ZC3H12B: variants seen among roughly 807,000 people sequenced by gnomAD.
ZC3H12B encodes the protein zinc finger CCCH-type containing 12B, also known as probable ribonuclease ZC3H12B.
A neutral mutation model predicts 43.9 loss-of-function variants in ZC3H12B; 7 were observed. The observed-to-expected ratio is 0.16, with a 90% CI of 0.09 to 0.30. The LOEUF is 0.30. Ranked by LOEUF, ZC3H12B falls within the 10% of genes least tolerant of loss-of-function variation. The pLI, the probability that ZC3H12B is intolerant of heterozygous loss-of-function variation, is 1.00. For synonymous variants in ZC3H12B, 222 were observed against 241.7 expected (o/e 0.92, Z 0.76); for missense variants, 475 against 670.2 (o/e 0.71, Z 3.22).
chrX:65,251,349 T>C, the ZC3H12B span, among the ~76,000 whole-genome samples: 3 of 111,685 alleles, frequency 2.7e-5, no homozygotes, highest in East Asian at 8.4e-4. Context: ...AGCCTTGTAG[T>C]ATAGTTTGAA....
chrX:65,238,262 C>G, the ZC3H12B span, among the ~76,000 whole-genome samples: 1 of 111,943 alleles, frequency 8.9e-6, no homozygotes, highest in Non-Finnish European at 1.9e-5. Context: ...TTATTACTTT[C>G]TCAATTTCAG....
At chrX:65,288,208 C>T in the ZC3H12B span, among the ~76,000 whole-genome samples, 1 of 110,737 alleles carries the variant, frequency 9.0e-6, no homozygotes, top group African/African-American at 3.3e-5. Flanking sequence ...CAGGTGGATT[C>T]ACTTAATTCT....
At chrX:65,223,842 A>G in the ZC3H12B span, among the ~76,000 whole-genome samples, 1 of 112,195 alleles carries the variant, frequency 8.9e-6, no homozygotes, top group African/African-American at 3.2e-5. Flanking sequence ...TGACATGGAT[A>G]TGATGATGAG....
the ZC3H12B span, among the ~76,000 whole-genome samples, chrX:65,156,764 C>A: frequency 4.5e-5 from 5 of 110,933 alleles, no homozygotes; most frequent in African/African-American, 1.3e-4. Flanking sequence ...AATCCTCCCA[C>A]CTCAAACTCC....
intron 3 of ZC3H12B, among the ~76,000 whole-genome samples, chrX:65,479,147 G>A (rs2148209732): frequency 9.0e-6 from 1 of 111,102 alleles, no homozygotes; most frequent in Non-Finnish European, 1.9e-5. Flanking sequence ...ATGGGACTTT[G>A]GAGAAGCTCT....
At chrX:65,167,397 T>C in the ZC3H12B span, among the ~76,000 whole-genome samples, 7 of 111,568 alleles carry the variant, frequency 6.3e-5, no homozygotes, top group South Asian at 2.3e-3. Context: ...GTTCTATTGG[T>C]CTATATCTCT....
chrX:65,043,524 A>T, the ZC3H12B span, among the ~76,000 whole-genome samples: 1 of 110,686 alleles, frequency 9.0e-6, no homozygotes, highest in Non-Finnish European at 1.9e-5. Flanking sequence ...TGTGACTATA[A>T]TCTGAACCTT....
At chrX:65,454,049 G>C (rs1433624225) in intron 3 of ZC3H12B, among the ~76,000 whole-genome samples, 1 of 112,202 alleles carries the variant, frequency 8.9e-6, no homozygotes, top group Non-Finnish European at 1.9e-5. Context: ...CCAGTCTACA[G>C]CACCCAGCGT....
the ZC3H12B span, among the ~76,000 whole-genome samples, chrX:65,153,249 A>G: frequency 8.9e-6 from 1 of 112,164 alleles, no homozygotes; most frequent in Non-Finnish European, 1.9e-5. Context: ...TAATTAAACT[A>G]AAGAGCTTCT....
the ZC3H12B span, among the ~76,000 whole-genome samples, chrX:65,193,284 G>C: frequency 9.0e-6 from 1 of 110,791 alleles, no homozygotes; most frequent in Non-Finnish European, 1.9e-5. Flanking sequence ...AAGCCAATTT[G>C]CTGGAAGATG....
At chrX:65,260,704 A>T in the ZC3H12B span, among the ~76,000 whole-genome samples, 1 of 111,978 alleles carries the variant, frequency 8.9e-6, no homozygotes, top group Non-Finnish European at 1.9e-5. Context: ...AAAATTAAAT[A>T]AAAGTAAAAT....
At chrX:65,332,438 G>A in the ZC3H12B span, among the ~76,000 whole-genome samples, 1 of 111,797 alleles carries the variant, frequency 8.9e-6, no homozygotes, top group Non-Finnish European at 1.9e-5. Context: ...GAGTGCAACT[G>A]CACTATATTC....
At chrX:65,123,993 G>T in the ZC3H12B span, among the ~76,000 whole-genome samples, 2 of 110,616 alleles carry the variant, frequency 1.8e-5, no homozygotes, top group African/African-American at 3.3e-5. Context: ...TCTTTCTCTT[G>T]TCTGAGTTCT....
At chrX:65,395,764 C>T (rs1410459612) in intron 2 of ZC3H12B, among the ~76,000 whole-genome samples, 1 of 111,690 alleles carries the variant, frequency 9.0e-6, no homozygotes. Flanking sequence ...AGAAATGGTA[C>T]CAGCTCCTCT....
At chrX:65,479,923 T>C (rs1262467759) in intron 3 of ZC3H12B, among the ~76,000 whole-genome samples, 1 of 112,778 alleles carries the variant, frequency 8.9e-6, no homozygotes, top group African/African-American at 3.2e-5. Flanking sequence ...CATTGATTAC[T>C]TGGGGTACAC....
chrX:65,089,031 A>C, the ZC3H12B span, among the ~76,000 whole-genome samples: 1 of 112,122 alleles, frequency 8.9e-6, no homozygotes, highest in African/African-American at 3.2e-5. Context: ...CATAAATATT[A>C]GTTATTTTTT....
At chrX:65,315,288 A>C in the ZC3H12B span, among the ~76,000 whole-genome samples, 1 of 112,263 alleles carries the variant, frequency 8.9e-6, no homozygotes. Flanking sequence ...AAAATAATTT[A>C]TGGTTTTTAG....
the ZC3H12B span, among the ~76,000 whole-genome samples, chrX:65,066,706 G>A: frequency 2.0e-4 from 22 of 112,045 alleles, no homozygotes; most frequent in Non-Finnish European, 5.6e-5. Flanking sequence ...GAGCTGGCAG[G>A]CAGGAACATT....
the ZC3H12B span, chrX:65,331,157 T>TA: frequency 2.0e-5 from 5 of 252,241 alleles, no homozygotes; most frequent in South Asian, 2.7e-4. Flanking sequence ...CTTTTCTTCA[T>TA]AAAAAAGGGG....
Sources: gnomAD v4.1 joint callset for allele counts (sites outside exome capture counted in the v4.1 genomes callset) on GRCh38, gnomAD v4.1.1 for gene constraint, MANE v1.5 for transcripts, NCBI Gene and HGNC (gene_info 2026-07-23, HGNC 2026-07-21) for gene names.